Variants in DACH2 observed in about 807,000 individuals in gnomAD.
The protein encoded by DACH2 is dachshund homolog 2.
In DACH2, 17 loss-of-function variants were observed where a neutral mutation model predicts 35.8. The ratio of observed to expected loss-of-function variants is 0.48; its 90% CI spans 0.33 to 0.71. DACH2 has a LOEUF of 0.71. Ranked by LOEUF, DACH2 falls within the 30% of genes least tolerant of loss-of-function variation. DACH2 has a pLI of 0.02. For synonymous variants in DACH2, 195 were observed against 177.3 expected, an observed-to-expected ratio of 1.10 and a Z score of -0.79; for missense variants, 469 against 472.7, an observed-to-expected ratio of 0.99 and a Z score of 0.07.
intron 11 of DACH2, among the ~76,000 whole-genome samples, chrX:86,825,482 G>A (rs935073499): frequency 2.7e-5 from 3 of 111,593 alleles, no homozygotes; most frequent in African/African-American, 9.8e-5. Flanking sequence ...TGGAAAGTGG[G>A]GGACTTGATC....
intron 1 of DACH2, among the ~76,000 whole-genome samples, chrX:86,216,146 T>G (rs1405863385): frequency 8.9e-6 from 1 of 112,306 alleles, no homozygotes; most frequent in African/African-American, 3.2e-5. Flanking sequence ...TGAGTATGTA[T>G]GGACAGATTG....
chrX:86,759,437 C>T, intron 7 of DACH2, among the ~76,000 whole-genome samples: 1 of 111,324 alleles, frequency 9.0e-6, no homozygotes, highest in Non-Finnish European at 1.9e-5. Context: ...AGTATAGCTA[C>T]TCCTACTTGC....
intron 2 of DACH2, among the ~76,000 whole-genome samples, chrX:86,408,996 A>G (rs1485236626): frequency 8.9e-6 from 1 of 111,921 alleles, no homozygotes; most frequent in Admixed American, 9.5e-5. Flanking sequence ...AATGTTTACC[A>G]CAGGTCCTTC....
intron 4 of DACH2, among the ~76,000 whole-genome samples, chrX:86,691,756 A>T (rs1200654176): frequency 9.0e-6 from 1 of 111,642 alleles, no homozygotes; most frequent in Admixed American, 9.6e-5. Context: ...GTGAGAAACT[A>T]AATTCTTGTT....
At chrX:86,235,358 T>A (rs1348810383) in intron 1 of DACH2, among the ~76,000 whole-genome samples, 1 of 112,649 alleles carries the variant, frequency 8.9e-6, no homozygotes, top group Non-Finnish European at 1.9e-5. Context: ...GAAACTATAC[T>A]GACCTCCATG....
At chrX:86,715,760 T>C (rs985311604) in intron 6 of DACH2, among the ~76,000 whole-genome samples, 4 of 111,120 alleles carry the variant, frequency 3.6e-5, no homozygotes, top group Admixed American at 9.7e-5. Context: ...CCACCAAGTA[T>C]TACAGGAATT....
intron 2 of DACH2, among the ~76,000 whole-genome samples, chrX:86,437,053 G>T (rs1028559247): frequency 9.0e-6 from 1 of 110,808 alleles, no homozygotes; most frequent in Non-Finnish European, 1.9e-5. Flanking sequence ...AGGTATCCTG[G>T]CTAGAGGCTT....
intron 1 of DACH2, among the ~76,000 whole-genome samples, chrX:86,193,673 C>T (rs1487986836): frequency 9.1e-6 from 1 of 110,448 alleles, no homozygotes; most frequent in Non-Finnish European, 1.9e-5. Context: ...GACTTCAGTC[C>T]AATTCTTGAC....
chrX:86,709,271 G>C lies in DACH2; in HGVS notation c.932-5277G>C, dbSNP rs2041252828. 3.6e-5 allele frequency among the ~76,000 whole-genome samples: 4 copies of C among 111,869 alleles called. No individual in the cohort carries two copies. In the Admixed American group the frequency reaches 3.8e-4, roughly 11 times the overall value. ...AGATCCACACAAATGTAGTCAATTG[G>C]TATTTGATGGAAGAGCAAAGACAAT... On this transcript the variant is annotated intron_variant, in intron 5 of 11. Coordinates refer to ENST00000373125, the MANE Select transcript of DACH2 (RefSeq NM_053281.3).
chrX:86,359,664 G>A (rs1005270843), intron 1 of DACH2, among the ~76,000 whole-genome samples: 2 of 110,800 alleles, frequency 1.8e-5, no homozygotes, highest in Admixed American at 9.7e-5. Context: ...GGAGAGAATC[G>A]CTTGAGCCCA....
intron 2 of DACH2, among the ~76,000 whole-genome samples, chrX:86,393,033 G>A (rs1349491494): frequency 9.1e-6 from 1 of 110,418 alleles, no homozygotes; most frequent in Non-Finnish European, 1.9e-5. Flanking sequence ...CCCATAAAGT[G>A]GAGAATTATC....
At chrX:86,238,639 G>T (rs1293924234) in intron 1 of DACH2, among the ~76,000 whole-genome samples, 1 of 110,758 alleles carries the variant, frequency 9.0e-6, no homozygotes, top group Non-Finnish European at 1.9e-5. Context: ...TAATAAAATT[G>T]CTCTCTGCCT....
intron 6 of DACH2, among the ~76,000 whole-genome samples, chrX:86,726,935 T>G (rs1186970871): frequency 8.9e-6 from 1 of 112,329 alleles, no homozygotes; most frequent in Non-Finnish European, 1.9e-5. Flanking sequence ...AATTTTAGTT[T>G]TCTCTTTTAG....
chrX:86,293,784 G>A lies in DACH2; in HGVS notation c.489-83040G>A, dbSNP rs1252288138. On this transcript the variant is annotated intron_variant, in intron 1 of 11. Coordinates refer to ENST00000373125, the MANE Select transcript of DACH2 (RefSeq NM_053281.3). Reference sequence around the variant, plus strand: ...TCTTCTGGCTTGTAGAGTTTCTGCCGAGAGATCAGCTGTTAGTCTGATGGG... The same window carrying A: ...TCTTCTGGCTTGTAGAGTTTCTGCCAAGAGATCAGCTGTTAGTCTGATGGG... Among the ~76,000 whole-genome samples the A allele has an allele frequency of 6.4e-4, 71 of 111,635 alleles. No individual in the cohort carries two copies. In the East Asian group the frequency reaches 0.015, roughly 24 times the overall value.
intron 1 of DACH2, among the ~76,000 whole-genome samples, chrX:86,224,744 G>A (rs1217278183): frequency 9.0e-6 from 1 of 111,344 alleles, no homozygotes; most frequent in Non-Finnish European, 1.9e-5. Flanking sequence ...GATTTAATAT[G>A]AAATCATTTT....
rs768560752 is a variant in DACH2, at chrX:86,686,496, G to A, written c.773-8525G>A. ...CCCACCCGCCTCGGCCTCCCAAAGC[G>A]CTGGGATCACAGGTATGAGCCACCA... On this transcript the variant is annotated intron_variant, in intron 4 of 11. Coordinates refer to ENST00000373125, the MANE Select transcript of DACH2 (RefSeq NM_053281.3). Among the ~76,000 whole-genome samples the A allele has an allele frequency of 4.5e-5, 5 of 110,698 alleles. No individual in the cohort carries two copies. In the South Asian group the frequency reaches 1.1e-3, roughly 25 times the overall value.
chrX:86,639,119 G>A (rs1355973165), intron 3 of DACH2, among the ~76,000 whole-genome samples: 1 of 111,674 alleles, frequency 9.0e-6, no homozygotes, highest in Admixed American at 9.5e-5. Context: ...GGAACAGAGA[G>A]GAAGAGAAAC....
chrX:86,247,061 G>A (rs755222937), intron 1 of DACH2, among the ~76,000 whole-genome samples: 12 of 111,605 alleles, frequency 1.1e-4, no homozygotes, highest in Non-Finnish European at 2.1e-4. Flanking sequence ...TTAAACCAAT[G>A]AAGATGAAAA....
rs778465466 is a variant in DACH2 at position 86,674,932 on chromosome X, C to T, written c.773-20089C>T. ...AAATGGAGTAGCCATTCAGTAATTT[C>T]CTTATGCTATCTTTTAAAAATATTG... is the stretch of plus-strand genomic sequence containing the variant. On this transcript the variant is annotated intron_variant, in intron 4 of 11. Transcript: ENST00000373125. Among the ~76,000 whole-genome samples, 16 of 110,270 alleles carry T rather than the reference C, an allele frequency of 1.5e-4. No individual in the cohort carries two copies. The South Asian group carries it at 6.2e-3, about 43-fold the overall frequency.
Sources: gnomAD v4.1 joint callset for allele counts (sites outside exome capture counted in the v4.1 genomes callset) on GRCh38, gnomAD v4.1.1 for gene constraint, MANE v1.5 for transcripts, NCBI Gene and HGNC (gene_info 2026-07-23, HGNC 2026-07-21) for gene names.